The following MAP4 variants were observed in gnomAD, a reference collection of about 807,000 sequenced individuals.
MAP4 encodes microtubule associated protein 4, also known as microtubule-associated protein 4.
Under a neutral mutation model 170.2 loss-of-function variants are expected in MAP4, and 76 were observed. That is an observed-to-expected ratio of 0.45 (90% confidence interval 0.37 to 0.54). The LOEUF is 0.54. Ranked by LOEUF, MAP4 falls within the 20% of genes least tolerant of loss-of-function variation. The pLI is 0.00. For missense variants in MAP4, 2,506 were observed against 2,748.0 expected (o/e 0.91, Z 1.97); for synonymous variants, 909 against 994.5 (o/e 0.91, Z 1.62).
intron 3 of MAP4, among the ~76,000 whole-genome samples, chr3:47,950,179 T>C (rs1487193810): frequency 6.6e-6 from 1 of 152,244 alleles, no homozygotes; most frequent in Non-Finnish European, 1.5e-5. Context: ...CTATAGCTGA[T>C]ACACCTACAT....
At position 47,909,914 on chromosome 3, in the gene MAP4, T is replaced by C. The variant is rs1053931626; in HGVS notation, c.4507A>G (p.Thr1503Ala). ...PKGPSAVVPS[T>A]STGGVALPIT... ...GGTAGAGCAACTCCTCCTGTGCTTG[T>C]AGAGGGCACAACAGCAGAGGGACCC... Residue 1503 changes from threonine to alanine, a missense_variant, in exon 9 of 21, where the codon ACA (threonine) becomes GCA (alanine). Around this residue, in one of 3 missense-constraint regions of MAP4, gnomAD observed 2,008 missense variants for 2,206.0 expected, o/e 0.91. Transcript: ENST00000683076. The C allele has an allele frequency of 6.2e-7, 1 of 1,614,024 alleles. No individual in the cohort carries two copies. The highest frequency in any genetic ancestry group is 8.5e-7 in the Non-Finnish European group (1 of 1,179,866).
At chr3:48,031,262 A>G (rs951550106) in intron 1 of MAP4, among the ~76,000 whole-genome samples, 1 of 152,134 alleles carries the variant, frequency 6.6e-6, no homozygotes, top group Non-Finnish European at 1.5e-5. Flanking sequence ...TGAAAAATAC[A>G]AAAATTAGGC....
At chr3:48,084,164 C>T (rs1379186730) in intron 1 of MAP4, among the ~76,000 whole-genome samples, 3 of 149,644 alleles carry the variant, frequency 2.0e-5, no homozygotes, top group African/African-American at 7.4e-5. Flanking sequence ...GAGCTGAGAT[C>T]GCGCCACTGT....
intron 1 of MAP4, among the ~76,000 whole-genome samples, chr3:48,088,299 C>A (rs1273520352): frequency 6.6e-6 from 1 of 152,032 alleles, no homozygotes; most frequent in Non-Finnish European, 1.5e-5. Flanking sequence ...CCAGACCACC[C>A]CTCAGCCCCA....
rs568707925 is a variant in MAP4, at chr3:48,061,987, G to A, written c.-20+26786C>T. Among the ~76,000 whole-genome samples, 17 of 152,284 alleles carry A rather than the reference G, an allele frequency of 1.1e-4. 1 individual carries two copies. The highest frequency in any genetic ancestry group is 3.6e-4 in the African/African-American group (15 of 41,580). On this transcript the variant is annotated intron_variant, in intron 1 of 18. Transcript: ENST00000360240. ...AGCCCCTCTGCCTGACCGCCACCCC[G>A]TCTGGGAGGTGTACCCAACAGCTCA...
At chr3:48,053,827 G>A (rs950094584) in intron 1 of MAP4, among the ~76,000 whole-genome samples, 3 of 151,956 alleles carry the variant, frequency 2.0e-5, no homozygotes, top group Non-Finnish European at 2.9e-5. Context: ...TGCTTATATC[G>A]AGCAAAAAGT....
chr3:48,011,742 A>C (rs1214967763), intron 1 of MAP4, among the ~76,000 whole-genome samples: 1 of 152,166 alleles, frequency 6.6e-6, no homozygotes, highest in East Asian at 1.9e-4. Context: ...TTAAAAGCCT[A>C]ACAGATTATA....
At chr3:48,034,459 T>C (rs956991215) in intron 1 of MAP4, among the ~76,000 whole-genome samples, 2 of 152,100 alleles carry the variant, frequency 1.3e-5, no homozygotes, top group African/African-American at 4.8e-5. Flanking sequence ...TCCCAGCACT[T>C]TGGGAGCCCA....
chr3:47,892,822 A>G, intron 10 of MAP4: 1 of 1,102,400 alleles, frequency 9.1e-7, no homozygotes, highest in Non-Finnish European at 1.1e-6. Context: ...TATGGTGCCA[A>G]TCCAAGCACT....
intron 10 of MAP4, among the ~76,000 whole-genome samples, chr3:47,902,103 G>A (rs1294716958): frequency 2.6e-5 from 4 of 152,152 alleles, no homozygotes; most frequent in Non-Finnish European, 4.4e-5. Context: ...GTAGTAAGCC[G>A]TGATCATGCC....
At chr3:48,072,676 A>G (rs1259580791) in intron 1 of MAP4, among the ~76,000 whole-genome samples, 2 of 152,204 alleles carry the variant, frequency 1.3e-5, no homozygotes, top group Non-Finnish European at 2.9e-5. Flanking sequence ...CAAAAGGTAT[A>G]GAAGAGCAGA....
At chr3:47,928,566 T>C (rs530933920) in intron 3 of MAP4, among the ~76,000 whole-genome samples, 1 of 152,156 alleles carries the variant, frequency 6.6e-6, no homozygotes, top group South Asian at 2.1e-4. Context: ...TGAGAGAGGA[T>C]TACCTGAACC....
chr3:47,979,623 AT>A (rs796546526), intron 2 of MAP4, among the ~76,000 whole-genome samples: 4 of 150,752 alleles, frequency 2.7e-5, no homozygotes, highest in East Asian at 1.9e-4. Context: ...CGTCCAGCTA[AT>A]TTTTTTTTGT....
intron 1 of MAP4, among the ~76,000 whole-genome samples, chr3:48,086,476 T>C (rs375617919): frequency 6.6e-6 from 1 of 151,932 alleles, no homozygotes; most frequent in African/African-American, 2.4e-5. Context: ...CCGTCTCTAC[T>C]AAAAATACAA....
intron 5 of MAP4, among the ~76,000 whole-genome samples, chr3:47,920,006 C>T (rs1182712308): frequency 1.3e-5 from 2 of 151,840 alleles, no homozygotes; most frequent in South Asian, 2.1e-4. Context: ...GATTCTTGCT[C>T]GTTGCCCAGG....
chr3:47,997,569 A>G (rs2100096655), intron 2 of MAP4, among the ~76,000 whole-genome samples: 2 of 151,840 alleles, frequency 1.3e-5, no homozygotes, highest in African/African-American at 4.8e-5. Flanking sequence ...AAAAAGAATA[A>G]ATCAACTTAA....
intron 1 of MAP4, among the ~76,000 whole-genome samples, chr3:48,014,127 T>C (rs1458411750): frequency 6.6e-6 from 1 of 152,232 alleles, no homozygotes; most frequent in Non-Finnish European, 1.5e-5. Flanking sequence ...TACTTTGTTG[T>C]ATGCTTTACT....
At chr3:48,082,510 T>G (rs928360782) in intron 1 of MAP4, among the ~76,000 whole-genome samples, 1 of 152,174 alleles carries the variant, frequency 6.6e-6, no homozygotes, top group Non-Finnish European at 1.5e-5. Flanking sequence ...TTAATCAAGT[T>G]ATCAAAGTTA....
chr3:47,900,735 A>AAACAAC (rs376549564), intron 10 of MAP4, among the ~76,000 whole-genome samples: 35 of 151,980 alleles, frequency 2.3e-4, no homozygotes, highest in East Asian at 1.9e-3. Flanking sequence ...GACTGTCTCA[A>AAACAAC]AACAACAACA....
Sources: allele counts gnomAD v4.1 joint callset (sites outside exome capture counted in the v4.1 genomes callset), GRCh38; gene constraint gnomAD v4.1.1; regional missense constraint gnomAD v4.1.1; transcripts MANE v1.5; gene names NCBI Gene and HGNC (gene_info 2026-07-23, HGNC 2026-07-21).